HPSE2: variants seen among roughly 807,000 people sequenced by gnomAD.
The protein encoded by HPSE2 is heparanase 2 (inactive), also known as inactive heparanase-2.
Under a neutral mutation model 60.5 loss-of-function variants are expected in HPSE2, and 38 were observed. The ratio of observed to expected loss-of-function variants is 0.63; its 90% CI spans 0.48 to 0.82. The LOEUF (loss-of-function observed/expected upper bound fraction) is 0.82. Among genes scored for constraint, HPSE2 ranks in the 40% least tolerant of loss-of-function variants. The pLI is 0.00. For synonymous variants in HPSE2, 295 were observed against 293.2 expected (o/e 1.01, Z -0.06); for missense variants, 713 against 740.4 (o/e 0.96, Z 0.43).
chr10:98,603,691 G>C (rs1270448105), intron 9 of HPSE2, among the ~76,000 whole-genome samples: 1 of 152,118 alleles, frequency 6.6e-6, no homozygotes, highest in African/African-American at 2.4e-5. Context: ...GCCTCCCAAA[G>C]TGCTGGGATT....
chr10:99,076,583 T>C (rs1842957740), intron 3 of HPSE2, among the ~76,000 whole-genome samples: 3 of 152,092 alleles, frequency 2.0e-5, no homozygotes, highest in Admixed American at 6.6e-5. Context: ...AGACGGGCTT[T>C]TGTCACATTG....
intron 2 of HPSE2, among the ~76,000 whole-genome samples, chr10:99,153,294 G>T (rs1395142717): frequency 6.6e-6 from 1 of 152,116 alleles, no homozygotes; most frequent in Non-Finnish European, 1.5e-5. Context: ...CCACCTCTGG[G>T]GGCAGGGCAC....
intron 3 of HPSE2, among the ~76,000 whole-genome samples, chr10:98,789,180 G>A (rs1160416598): frequency 1.3e-5 from 2 of 152,144 alleles, no homozygotes; most frequent in African/African-American, 4.8e-5. Flanking sequence ...GATATTTGTT[G>A]GATAAATGAA....
intron 3 of HPSE2, among the ~76,000 whole-genome samples, chr10:98,832,520 AG>A (rs1488346791): frequency 6.6e-6 from 1 of 152,200 alleles, no homozygotes. Context: ...TGAAATGTTA[AG>A]GGTTTAGATA....
intron 2 of HPSE2, among the ~76,000 whole-genome samples, chr10:99,223,941 C>T (rs73337500): frequency 0.027 from 4,151 of 152,104 alleles, 189 homozygotes; most frequent in African/African-American, 0.095. Context: ...GTGTGTTCAA[C>T]ATGGAAAGTA....
At chr10:98,573,186 T>C (rs940442120) in intron 9 of HPSE2, among the ~76,000 whole-genome samples, 1 of 152,238 alleles carries the variant, frequency 6.6e-6, no homozygotes, top group Admixed American at 6.5e-5. Flanking sequence ...ATACTAGGCA[T>C]TCAATAAATG....
chr10:98,676,453 A>C (rs1438161503), intron 6 of HPSE2, among the ~76,000 whole-genome samples: 1 of 152,214 alleles, frequency 6.6e-6, no homozygotes, highest in African/African-American at 2.4e-5. Flanking sequence ...GTACAGCCCC[A>C]GGCCCTTCTA....
At chr10:98,768,906 C>T (rs547917734) in intron 3 of HPSE2, among the ~76,000 whole-genome samples, 5 of 152,154 alleles carry the variant, frequency 3.3e-5, no homozygotes, top group Admixed American at 3.3e-4. Flanking sequence ...CAAAAATTAG[C>T]CAGGCTGGTG....
intron 8 of HPSE2, among the ~76,000 whole-genome samples, chr10:98,619,000 A>T (rs982588036): frequency 6.6e-6 from 1 of 152,218 alleles, no homozygotes; most frequent in African/African-American, 2.4e-5. Flanking sequence ...TGCTGAGGAC[A>T]CAGAAATGGA....
intron 3 of HPSE2, among the ~76,000 whole-genome samples, chr10:98,816,478 A>G (rs1377302327): frequency 1.3e-5 from 2 of 152,156 alleles, no homozygotes; most frequent in Non-Finnish European, 2.9e-5. Context: ...ACTAATTTAC[A>G]TTGTGAAAGA....
chr10:98,534,695 G>A (rs1433995233), intron 9 of HPSE2, among the ~76,000 whole-genome samples: 3 of 152,178 alleles, frequency 2.0e-5, no homozygotes, highest in Non-Finnish European at 4.4e-5. Flanking sequence ...ATGAACCACC[G>A]TACCCAGCCT....
At chr10:98,894,341 C>T (rs920219069) in intron 3 of HPSE2, among the ~76,000 whole-genome samples, 4 of 152,058 alleles carry the variant, frequency 2.6e-5, no homozygotes, top group South Asian at 2.1e-4. Context: ...CAGAATATGA[C>T]AAACATGTTT....
chr10:99,297,609 ACTTT>A, the HPSE2 span, among the ~76,000 whole-genome samples: 7 of 152,008 alleles, frequency 4.6e-5, no homozygotes, highest in Non-Finnish European at 1.0e-4. Flanking sequence ...TTTGCTTTTA[ACTTT>A]CTGTTAATTG....
chr10:99,133,468 C>T (rs1348812108), intron 3 of HPSE2, among the ~76,000 whole-genome samples: 3 of 152,182 alleles, frequency 2.0e-5, no homozygotes, highest in East Asian at 3.9e-4. Flanking sequence ...TAGGGGCTAA[C>T]GGACACCTCA....
At chr10:99,241,652 G>A in the HPSE2 span, among the ~76,000 whole-genome samples, 1 of 152,114 alleles carries the variant, frequency 6.6e-6, no homozygotes, top group East Asian at 1.9e-4. Flanking sequence ...AACCTACTCA[G>A]GAGATTGAGG....
intron 4 of HPSE2, among the ~76,000 whole-genome samples, chr10:98,734,252 T>C (rs1378035946): frequency 2.0e-5 from 3 of 152,240 alleles, no homozygotes; most frequent in South Asian, 2.1e-4. Flanking sequence ...AAGTCATCAA[T>C]TGATGGTCAT....
intron 9 of HPSE2, among the ~76,000 whole-genome samples, chr10:98,578,442 T>C (rs1944701037): frequency 6.6e-6 from 1 of 152,218 alleles, no homozygotes; most frequent in Non-Finnish European, 1.5e-5. Flanking sequence ...TCCTGCTTTT[T>C]ACATGTTCTT....
intron 3 of HPSE2, among the ~76,000 whole-genome samples, chr10:98,960,065 C>G (rs76546139): frequency 5.9e-5 from 9 of 152,246 alleles, no homozygotes; most frequent in African/African-American, 2.2e-4. Flanking sequence ...AACCTAAAAT[C>G]TGGACTGTTG....
intron 3 of HPSE2, among the ~76,000 whole-genome samples, chr10:99,083,029 A>G (rs1257877735): frequency 6.6e-6 from 1 of 152,218 alleles, no homozygotes; most frequent in East Asian, 1.9e-4. Context: ...CTCTACAACT[A>G]AAACAAGATC....
Sources: allele counts gnomAD v4.1 joint callset (sites outside exome capture counted in the v4.1 genomes callset), GRCh38; gene constraint gnomAD v4.1.1; transcripts MANE v1.5; gene names NCBI Gene and HGNC (gene_info 2026-07-23, HGNC 2026-07-21).